Variants in PCDH15 observed in about 807,000 individuals in gnomAD.
PCDH15 encodes the protein protocadherin related 15.
Under a neutral mutation model 178.5 loss-of-function variants are expected in PCDH15, and 129 were observed. The ratio of observed to expected loss-of-function variants is 0.72; its 90% CI spans 0.63 to 0.84. The LOEUF (loss-of-function observed/expected upper bound fraction) is 0.84. Among genes scored for constraint, PCDH15 ranks in the 40% least tolerant of loss-of-function variants. The probability of loss-of-function intolerance (pLI) is 0.00; values close to 1 mark genes in which losing one functional copy is unlikely to be tolerated. For synonymous variants in PCDH15, 800 were observed against 732.0 expected (o/e 1.09, Z -1.50); for missense variants, 2,230 against 2,099.9 (o/e 1.06, Z -1.21).
chr10:55,626,380 C>G (rs1837530096), intron 2 of PCDH15, among the ~76,000 whole-genome samples: 1 of 152,052 alleles, frequency 6.6e-6, no homozygotes, highest in African/African-American at 2.4e-5. Flanking sequence ...GTGGATAAAA[C>G]CGTCTAATAT....
intron 2 of PCDH15, among the ~76,000 whole-genome samples, chr10:54,651,095 A>C (rs1024521354): frequency 3.3e-5 from 5 of 152,164 alleles, no homozygotes; most frequent in Non-Finnish European, 7.3e-5. Context: ...GTATTGTTGT[A>C]AACTGGAGTT....
At chr10:54,609,016 C>T (rs76452091) in intron 2 of PCDH15, among the ~76,000 whole-genome samples, 8 of 151,920 alleles carry the variant, frequency 5.3e-5, no homozygotes, top group African/African-American at 7.2e-5. Flanking sequence ...GCACTACAAG[C>T]GCACGAATAA....
At chr10:54,040,007 A>G (rs529699984) in intron 18 of PCDH15, among the ~76,000 whole-genome samples, 102 of 152,186 alleles carry the variant, frequency 6.7e-4, no homozygotes, top group African/African-American at 2.4e-3. Context: ...CAACATATAT[A>G]TCCATTGCAC....
intron 25 of PCDH15, among the ~76,000 whole-genome samples, chr10:53,924,006 G>T (rs1407897522): frequency 6.6e-6 from 1 of 152,192 alleles, no homozygotes; most frequent in Non-Finnish European, 1.5e-5. Flanking sequence ...ATTGTGAGAG[G>T]TTACAGCCTG....
intron 2 of PCDH15, among the ~76,000 whole-genome samples, chr10:55,425,299 C>T (rs544879538): frequency 2.1e-4 from 32 of 151,868 alleles, no homozygotes; most frequent in African/African-American, 6.7e-4. Context: ...TTTGCTAATG[C>T]TGCAGAATAG....
rs192861713 is a variant in PCDH15, at chr10:55,385,160, T to G, written c.-155-218509A>C. On this transcript the variant is annotated intron_variant, in intron 2 of 5. Coordinates refer to the PCDH15 transcript ENST00000613346. ...TTCCATATACATAAATAAAGAAAAT[T>G]TACGTGTTTGGCCTAAACAATGTCG... 2.6e-5 allele frequency among the ~76,000 whole-genome samples: 4 copies of G among 152,178 alleles called. No homozygotes were observed. In the East Asian group the frequency reaches 5.8e-4, roughly 22 times the overall value.
chr10:55,393,319 A>G (rs1307148332), intron 2 of PCDH15, among the ~76,000 whole-genome samples: 1 of 152,158 alleles, frequency 6.6e-6, no homozygotes, highest in Non-Finnish European at 1.5e-5. Context: ...TGGTAATAAC[A>G]TTAGTCTAGA....
intron 15 of PCDH15, among the ~76,000 whole-genome samples, chr10:54,100,940 C>A (rs2094800133): frequency 6.6e-6 from 1 of 151,648 alleles, no homozygotes; most frequent in African/African-American, 2.4e-5. Flanking sequence ...TACTGATAAA[C>A]AGAAAGAAAG....
chr10:54,440,163 T>C (rs1445135648), intron 3 of PCDH15, among the ~76,000 whole-genome samples: 1 of 152,038 alleles, frequency 6.6e-6, no homozygotes, highest in Non-Finnish European at 1.5e-5. Context: ...GAAAGTTGGC[T>C]GTTTTTCATT....
At chr10:55,016,837 G>C (rs1277335645) in intron 2 of PCDH15, among the ~76,000 whole-genome samples, 1 of 151,888 alleles carries the variant, frequency 6.6e-6, no homozygotes, top group African/African-American at 2.4e-5. Flanking sequence ...CTTCTGTCTT[G>C]TCTTGATTCT....
At chr10:54,549,654 A>G (rs2086313177) in intron 2 of PCDH15, among the ~76,000 whole-genome samples, 1 of 151,558 alleles carries the variant, frequency 6.6e-6, no homozygotes, top group Non-Finnish European at 1.5e-5. Context: ...TCAAACCTAT[A>G]CCTTTGGTAT....
chr10:54,286,543 T>G (rs546765255), intron 8 of PCDH15, among the ~76,000 whole-genome samples: 8 of 152,318 alleles, frequency 5.3e-5, no homozygotes, highest in African/African-American at 1.7e-4. Context: ...AAAGCTTGAG[T>G]AATCTAACTA....
At chr10:53,933,709 A>C (rs1198802011) in intron 25 of PCDH15, among the ~76,000 whole-genome samples, 1 of 152,188 alleles carries the variant, frequency 6.6e-6, no homozygotes, top group East Asian at 1.9e-4. Flanking sequence ...TGGCTGGGTC[A>C]AATGGTATTT....
chr10:55,439,023 C>T (rs116042072), intron 2 of PCDH15, among the ~76,000 whole-genome samples: 1 of 151,920 alleles, frequency 6.6e-6, no homozygotes, highest in Non-Finnish European at 1.5e-5. Context: ...CTCTGCCTCC[C>T]GAGTAACTAG....
intron 2 of PCDH15, among the ~76,000 whole-genome samples, chr10:55,464,526 G>C (rs1839786649): frequency 1.3e-5 from 2 of 151,704 alleles, no homozygotes; most frequent in Admixed American, 1.3e-4. Context: ...ATGGGTGTTT[G>C]AAAGTGGAAA....
intron 8 of PCDH15, among the ~76,000 whole-genome samples, chr10:54,266,582 G>T (rs567332195): frequency 1.3e-5 from 2 of 151,700 alleles, no homozygotes; most frequent in Admixed American, 1.3e-4. Context: ...AAAAAGAGAA[G>T]ATCCAAATAA....
intron 1 of PCDH15, among the ~76,000 whole-genome samples, chr10:54,705,423 G>T (rs1194699015): frequency 6.6e-6 from 1 of 152,040 alleles, no homozygotes; most frequent in Non-Finnish European, 1.5e-5. Flanking sequence ...TAGAATGCCT[G>T]GGTTCAAATT....
intron 2 of PCDH15, among the ~76,000 whole-genome samples, chr10:55,371,857 A>G (rs966530780): frequency 6.6e-6 from 1 of 152,172 alleles, no homozygotes; most frequent in Non-Finnish European, 1.5e-5. Flanking sequence ...AAATTTAATC[A>G]GTTACTAAGT....
intron 2 of PCDH15, among the ~76,000 whole-genome samples, chr10:55,006,429 G>A (rs975297306): frequency 6.6e-6 from 1 of 152,124 alleles, no homozygotes; most frequent in Admixed American, 6.5e-5. Flanking sequence ...GCTTATTATA[G>A]TTGTTAGACA....
Sources: gnomAD v4.1 joint callset for allele counts (sites outside exome capture counted in the v4.1 genomes callset) on GRCh38, gnomAD v4.1.1 for gene constraint, MANE v1.5 for transcripts, NCBI Gene and HGNC (gene_info 2026-07-23, HGNC 2026-07-21) for gene names.